Variants in NRXN1 observed in about 807,000 individuals in gnomAD.
The protein encoded by NRXN1 is neurexin 1, also known as neurexin-1.
NRXN1 carries 39 observed loss-of-function variants against 150.9 expected under a neutral mutation model. That is an observed-to-expected ratio of 0.26 (90% CI 0.20 to 0.34). NRXN1 has a LOEUF of 0.34. Ranked by LOEUF, NRXN1 falls within the 10% of genes least tolerant of loss-of-function variation. The pLI is 1.00. For missense variants in NRXN1, 1,815 were observed against 1,949.9 expected, an observed-to-expected ratio of 0.93 and a Z score of 1.30; for synonymous variants, 924 against 757.0, an observed-to-expected ratio of 1.22 and a Z score of -3.62.
chr2:50,415,269 C>G (rs760672178), intron 17 of NRXN1, among the ~76,000 whole-genome samples: 17 of 152,146 alleles, frequency 1.1e-4, no homozygotes, highest in Non-Finnish European at 2.1e-4. Flanking sequence ...TTTAACTCCA[C>G]AGATTAATGC....
At chr2:50,355,846 T>A (rs566321961) in intron 17 of NRXN1, among the ~76,000 whole-genome samples, 1 of 152,306 alleles carries the variant, frequency 6.6e-6, no homozygotes, top group East Asian at 1.9e-4. Flanking sequence ...CCATGTTTAG[T>A]GGTTAAAATC....
chr2:50,596,684 G>A (rs1675266804), intron 8 of NRXN1, among the ~76,000 whole-genome samples: 1 of 152,028 alleles, frequency 6.6e-6, no homozygotes, highest in Non-Finnish European at 1.5e-5. Context: ...CAGAACAGAT[G>A]GTGAGGTTTG....
At chr2:50,897,166 G>C (rs1682105809) in intron 5 of NRXN1, among the ~76,000 whole-genome samples, 1 of 152,186 alleles carries the variant, frequency 6.6e-6, no homozygotes, top group Non-Finnish European at 1.5e-5. Context: ...CAGCTTCAGT[G>C]TCAAGTTGCT....
intron 17 of NRXN1, among the ~76,000 whole-genome samples, chr2:50,284,865 A>G (rs529932740): frequency 3.3e-5 from 5 of 152,188 alleles, no homozygotes; most frequent in Admixed American, 6.5e-5. Context: ...TGCAACTTTC[A>G]GCAAAAAGAT....
chr2:50,439,867 G>A (rs771322353), intron 17 of NRXN1, among the ~76,000 whole-genome samples: 2 of 151,744 alleles, frequency 1.3e-5, no homozygotes, highest in Admixed American at 6.6e-5. Context: ...TATGTGCTAG[G>A]CCTTTTCCAT....
At chr2:50,394,033 A>G (rs2081906272) in intron 17 of NRXN1, among the ~76,000 whole-genome samples, 1 of 152,108 alleles carries the variant, frequency 6.6e-6, no homozygotes. Flanking sequence ...TTCAGCTTTC[A>G]GGATGTCACA....
At chr2:50,819,452 C>T (rs1386266486) in intron 5 of NRXN1, among the ~76,000 whole-genome samples, 3 of 152,080 alleles carry the variant, frequency 2.0e-5, no homozygotes, top group Admixed American at 6.6e-5. Flanking sequence ...CATGATTCCA[C>T]TTCTATGAGG....
At chr2:50,906,738 C>T (rs376378389) in intron 5 of NRXN1, among the ~76,000 whole-genome samples, 3 of 152,080 alleles carry the variant, frequency 2.0e-5, no homozygotes, top group African/African-American at 4.8e-5. Context: ...TACATACTTA[C>T]ATTATGCTTC....
At chr2:50,605,676 T>C (rs1158958320) in intron 8 of NRXN1, among the ~76,000 whole-genome samples, 1 of 152,158 alleles carries the variant, frequency 6.6e-6, no homozygotes, top group Non-Finnish European at 1.5e-5. Context: ...AACTGGAAGC[T>C]GTGTACACTG....
At chr2:50,776,633 G>GATATATAT (rs146965004) in intron 5 of NRXN1, among the ~76,000 whole-genome samples, 1 of 142,070 alleles carries the variant, frequency 7.0e-6, no homozygotes, top group East Asian at 2.0e-4. Context: ...CATATAGTGA[G>GATATATAT]ATATATATAT....
intron 8 of NRXN1, among the ~76,000 whole-genome samples, chr2:50,558,750 T>C (rs1668608110): frequency 6.6e-6 from 1 of 152,198 alleles, no homozygotes; most frequent in Non-Finnish European, 1.5e-5. Context: ...ATGCAGTTAA[T>C]GCTTTTACTC....
intron 18 of NRXN1, among the ~76,000 whole-genome samples, chr2:50,153,321 GT>G (rs2058805627): frequency 6.7e-6 from 1 of 150,224 alleles, no homozygotes. Flanking sequence ...TTGCCATCTG[GT>G]TTTTCTCTGG....
intron 2 of NRXN1, among the ~76,000 whole-genome samples, chr2:50,941,065 T>A (rs536039255): frequency 5.9e-5 from 9 of 152,238 alleles, no homozygotes; most frequent in Admixed American, 4.6e-4. Context: ...AGAATTCTTA[T>A]GGGATCTGGT....
At chr2:50,618,640 C>T (rs1256586980) in intron 8 of NRXN1, among the ~76,000 whole-genome samples, 2 of 151,878 alleles carry the variant, frequency 1.3e-5, no homozygotes, top group Non-Finnish European at 2.9e-5. Flanking sequence ...AGAAACTTAC[C>T]TGCCTCAAAC....
chr2:50,062,627 C>A (rs1295149656), intron 19 of NRXN1, among the ~76,000 whole-genome samples: 1 of 152,022 alleles, frequency 6.6e-6, no homozygotes, highest in Non-Finnish European at 1.5e-5. Flanking sequence ...CAATAAAACT[C>A]AAATCCTTGA....
At chr2:50,244,487 T>G (rs1473201627) in intron 17 of NRXN1, among the ~76,000 whole-genome samples, 3 of 151,884 alleles carry the variant, frequency 2.0e-5, no homozygotes, top group Non-Finnish European at 4.4e-5. Context: ...TTTTCTGACA[T>G]TATAAGGGCA....
chr2:50,384,348 T>C (rs1255900662), intron 17 of NRXN1, among the ~76,000 whole-genome samples: 1 of 151,488 alleles, frequency 6.6e-6, no homozygotes, highest in African/African-American at 2.4e-5. Flanking sequence ...CTACTAAAAA[T>C]ACAAAAAGTT....
chr2:50,565,958 C>T (rs151017700), intron 8 of NRXN1, among the ~76,000 whole-genome samples: 130 of 152,254 alleles, frequency 8.5e-4, no homozygotes, highest in African/African-American at 2.7e-3. Context: ...TTGAAGACTC[C>T]TGCATTCTTG....
chr2:50,094,199 A>C (rs1468714442), intron 18 of NRXN1, among the ~76,000 whole-genome samples: 1 of 152,352 alleles, frequency 6.6e-6, no homozygotes, highest in African/African-American at 2.4e-5. Flanking sequence ...ATAAGTCAAA[A>C]ACACATTACT....
Sources: allele counts gnomAD v4.1 joint callset (sites outside exome capture counted in the v4.1 genomes callset), GRCh38; gene constraint gnomAD v4.1.1; transcripts MANE v1.5; gene names NCBI Gene and HGNC (gene_info 2026-07-23, HGNC 2026-07-21).